Variants in FAM135B observed in about 807,000 individuals in gnomAD.
FAM135B encodes the protein protein FAM135B.
Under a neutral mutation model 127.7 loss-of-function variants are expected in FAM135B, and 43 were observed. That is an observed-to-expected ratio of 0.34 (90% confidence interval 0.26 to 0.43). FAM135B has a LOEUF of 0.43. FAM135B is among the 20% of genes least tolerant of loss of function. FAM135B has a pLI of 1.00. For synonymous variants in FAM135B, 670 were observed against 665.1 expected (o/e 1.01, Z -0.11); for missense variants, 1,558 against 1,725.6 (o/e 0.90, Z 1.72).
intron 1 of FAM135B, chr8:138,437,218 A>T (rs563293605): frequency 6.6e-6 from 1 of 152,380 alleles, no homozygotes; most frequent in South Asian, 2.1e-4. Flanking sequence ...AGAAGAATAT[A>T]GACACAGCAA....
intron 2 of FAM135B, among the ~76,000 whole-genome samples, chr8:138,340,484 G>A (rs112516155): frequency 5.9e-5 from 9 of 152,186 alleles, no homozygotes; most frequent in African/African-American, 9.6e-5. Flanking sequence ...CAAACAGTAC[G>A]CTGACATAGA....
At chr8:138,428,387 G>T (rs902153306) in intron 1 of FAM135B, among the ~76,000 whole-genome samples, 3 of 152,054 alleles carry the variant, frequency 2.0e-5, no homozygotes, top group Non-Finnish European at 4.4e-5. Context: ...CAGAATGATA[G>T]ATCCAGACAT....
chr8:138,351,106 C>T (rs1829751531), intron 2 of FAM135B, among the ~76,000 whole-genome samples: 1 of 152,140 alleles, frequency 6.6e-6, no homozygotes, highest in East Asian at 1.9e-4. Flanking sequence ...ATAAGGCATG[C>T]CTTTTTATGC....
chr8:138,239,267 T>C (rs1439296794), intron 7 of FAM135B, among the ~76,000 whole-genome samples: 1 of 152,198 alleles, frequency 6.6e-6, no homozygotes, highest in Non-Finnish European at 1.5e-5. Flanking sequence ...TGGTGTGAGA[T>C]GGTATTTCAT....
chr8:138,218,582 G>C (rs1818753991), intron 7 of FAM135B, among the ~76,000 whole-genome samples: 1 of 152,124 alleles, frequency 6.6e-6, no homozygotes, highest in Admixed American at 6.5e-5. Context: ...ATGGATGTTA[G>C]AAAAGTTAAA....
intron 3 of FAM135B, among the ~76,000 whole-genome samples, chr8:138,277,571 T>A (rs1260617441): frequency 1.3e-5 from 2 of 152,226 alleles, no homozygotes; most frequent in South Asian, 4.1e-4. Flanking sequence ...AACTTCTGCA[T>A]GTAAGCCCCT....
At chr8:138,137,526 G>A (rs1816768219) in intron 18 of FAM135B, among the ~76,000 whole-genome samples, 1 of 152,106 alleles carries the variant, frequency 6.6e-6, no homozygotes, top group Non-Finnish European at 1.5e-5. Flanking sequence ...GATGAAGCCT[G>A]CTCTCATCAG....
intron 2 of FAM135B, among the ~76,000 whole-genome samples, chr8:138,337,372 C>G (rs933590045): frequency 6.6e-6 from 1 of 151,878 alleles, no homozygotes; most frequent in Non-Finnish European, 1.5e-5. Flanking sequence ...CTGTCTCAGC[C>G]CAAAATCTCC....
Position 138,360,949 on chromosome 8 carries a change from G to T in FAM135B, c.77+6958C>A, listed in dbSNP as rs181096818. Among the ~76,000 whole-genome samples, 350 of 144,450 alleles carry T rather than the reference G, an allele frequency of 2.4e-3. 1 individual carries two copies. The highest frequency in any genetic ancestry group is 3.9e-3 in the Non-Finnish European group (259 of 66,548). The allele number at this position is 144,450 out of a possible 152,430, so 94.8% of individuals were successfully genotyped here. Reference sequence around the variant, plus strand: ...TCTTCTTTTTTTTTTTTTTTCAGATGAAGTCTCACTCTGTTGCCCAGGCAG... The same window carrying T: ...TCTTCTTTTTTTTTTTTTTTCAGATTAAGTCTCACTCTGTTGCCCAGGCAG... On this transcript the variant is annotated intron_variant, in intron 2 of 19. Transcript: ENST00000395297.
At chr8:138,395,714 G>C (rs1178063978) in intron 1 of FAM135B, among the ~76,000 whole-genome samples, 3 of 152,180 alleles carry the variant, frequency 2.0e-5, no homozygotes, top group Admixed American at 6.5e-5. Flanking sequence ...TCTGTACTTT[G>C]GGGGCAGAAA....
In FAM135B at chr8:138,251,545, C is replaced by G. The variant is rs560694929; in HGVS notation, c.369-531G>C. Among the ~76,000 whole-genome samples the G allele has an allele frequency of 1.1e-4, 17 of 152,274 alleles. No individual in the cohort carries two copies. In the South Asian group the frequency reaches 2.3e-3, roughly 20 times the overall value. ...TATAAATACGAATTAAAATGAACAA[C>G]TGACTGACTGAACGAACAAAAGAAT... On this transcript the variant is annotated intron_variant, in intron 5 of 19. Transcript: ENST00000395297.
intron 1 of FAM135B, among the ~76,000 whole-genome samples, chr8:138,419,236 C>A (rs1834347765): frequency 6.6e-6 from 1 of 152,004 alleles, no homozygotes; most frequent in Non-Finnish European, 1.5e-5. Flanking sequence ...AGACTCTAAA[C>A]CAACAACAAT....
intron 1 of FAM135B, among the ~76,000 whole-genome samples, chr8:138,407,936 T>G (rs1013868295): frequency 1.2e-4 from 18 of 152,186 alleles, no homozygotes; most frequent in African/African-American, 3.4e-4. Context: ...AGAGGAATCT[T>G]TTTTTACTTT....
rs2130601716 is a variant in FAM135B at position 138,141,405 on chromosome 8, G to A, written c.3639-56C>T. Reference sequence around the variant, plus strand: ...TGTGACGGTGAATGCTGCTGCCCAAGAGTGCAGTGCTGGAAGCATCAGGGG... The same window carrying A: ...TGTGACGGTGAATGCTGCTGCCCAAAAGTGCAGTGCTGGAAGCATCAGGGG... On this transcript the variant is annotated intron_variant, in intron 16 of 19. Coordinates refer to ENST00000395297, the MANE Select transcript of FAM135B (RefSeq NM_015912.4). The surrounding 1 kb of genome is among the most constrained non-coding windows in gnomAD (Gnocchi z 4.7). 2 of 1,573,498 alleles carry A rather than the reference G, an allele frequency of 1.3e-6. No individual in the cohort carries two copies. Among genetic ancestry groups the A allele is most frequent in the Non-Finnish European group, 1.7e-6 (2 of 1,145,772 alleles).
intron 2 of FAM135B, 132 bp downstream of exon 2, chr8:138,367,775 C>T (rs983255189): frequency 5.8e-6 from 4 of 693,008 alleles, no homozygotes; most frequent in Non-Finnish European, 7.3e-6. Flanking sequence ...CAAGAAAACA[C>T]AATGAAAATC....
At chr8:138,253,082 C>G (rs529076474) in intron 5 of FAM135B, among the ~76,000 whole-genome samples, 1 of 152,012 alleles carries the variant, frequency 6.6e-6, no homozygotes, top group Non-Finnish European at 1.5e-5. Flanking sequence ...ATTACAGGTG[C>G]GAGCCACCTT....
At chr8:138,379,641 G>C (rs192384797) in intron 1 of FAM135B, among the ~76,000 whole-genome samples, 1 of 152,078 alleles carries the variant, frequency 6.6e-6, no homozygotes, top group Non-Finnish European at 1.5e-5. Context: ...ACTGGATACC[G>C]AGCCCACAGC....
chr8:138,220,878 G>A (rs1818976202), intron 7 of FAM135B, among the ~76,000 whole-genome samples: 2 of 152,312 alleles, frequency 1.3e-5, no homozygotes, highest in Admixed American at 1.3e-4. Flanking sequence ...CACTGCCTCA[G>A]CCAACAAGGA....
chr8:138,257,655 C>A (rs1304794079), intron 4 of FAM135B, among the ~76,000 whole-genome samples: 1 of 152,020 alleles, frequency 6.6e-6, no homozygotes, highest in Non-Finnish European at 1.5e-5. Flanking sequence ...CCTTTTCATC[C>A]GTAACCACAA....
Sources: allele counts gnomAD v4.1 joint callset (sites outside exome capture counted in the v4.1 genomes callset), GRCh38; gene constraint gnomAD v4.1.1; non-coding constraint Gnocchi (gnomAD v3.1); transcripts MANE v1.5; gene names NCBI Gene and HGNC (gene_info 2026-07-23, HGNC 2026-07-21).